MTF2: variants seen among roughly 807,000 people sequenced by gnomAD.
MTF2 encodes metal-response element-binding transcription factor 2.
A neutral mutation model predicts 79.5 loss-of-function variants in MTF2; 11 were observed. That is an observed-to-expected ratio of 0.14 (90% confidence interval 0.09 to 0.23). The LOEUF (loss-of-function observed/expected upper bound fraction) is 0.23, where lower values mean the gene tolerates loss of function less well. MTF2 is among the 10% of genes least tolerant of loss of function. The probability of loss-of-function intolerance (pLI) is 1.00; values close to 1 mark genes in which losing one functional copy is unlikely to be tolerated. For missense variants in MTF2, 486 were observed against 711.2 expected (o/e 0.68, Z 3.60); for synonymous variants, 208 against 232.8 (o/e 0.89, Z 0.97).
intron 11 of MTF2, among the ~76,000 whole-genome samples, chr1:93,130,244 T>C (rs1407447865): frequency 2.6e-5 from 4 of 152,122 alleles, no homozygotes; most frequent in Non-Finnish European, 5.9e-5. Context: ...GGTTGTTTTC[T>C]AAGAATAATG....
At chr1:93,129,976 G>T (rs563170127) in intron 11 of MTF2, among the ~76,000 whole-genome samples, 74 of 152,286 alleles carry the variant, frequency 4.9e-4, no homozygotes, top group Non-Finnish European at 9.7e-4. Flanking sequence ...CTTTAACAAT[G>T]TGGCTTAAGG....
intron 10 of MTF2, among the ~76,000 whole-genome samples, chr1:93,128,078 T>A (rs1656771944): frequency 6.6e-6 from 1 of 152,108 alleles, no homozygotes; most frequent in African/African-American, 2.4e-5. Context: ...GTACCTGATA[T>A]GACCTTGAAG....
intron 9 of MTF2, among the ~76,000 whole-genome samples, 165 bp from the exon 10 acceptor site, chr1:93,127,067 G>T (rs1481527440): frequency 6.6e-6 from 1 of 152,020 alleles, no homozygotes; most frequent in Admixed American, 6.6e-5. Context: ...AGGTTAAATG[G>T]CCCTAGGTCA....
chr1:93,129,228 G>C (rs568168717), intron 10 of MTF2, 50 bp from the exon 11 acceptor site: 1 of 1,352,756 alleles, frequency 7.4e-7, no homozygotes, highest in Admixed American at 2.2e-5. Context: ...GGTCTACTAT[G>C]TATATGTGTT....
chr1:93,085,461 G>A (rs555247061), intron 1 of MTF2, among the ~76,000 whole-genome samples: 1 of 145,954 alleles, frequency 6.9e-6, no homozygotes, highest in African/African-American at 2.5e-5. Context: ...ACAGGCGTGA[G>A]CCACTGCACC....
chr1:93,127,403 T>C, intron 10 of MTF2, 104 bp downstream of exon 10: 1 of 716,086 alleles, frequency 1.4e-6, no homozygotes, highest in South Asian at 1.8e-5. Flanking sequence ...AGAAGAAGTC[T>C]ATACCATTTT....
At chr1:93,133,293 T>G (rs921654131) in intron 11 of MTF2, among the ~76,000 whole-genome samples, 1 of 152,122 alleles carries the variant, frequency 6.6e-6, no homozygotes, top group Non-Finnish European at 1.5e-5. Flanking sequence ...AAATTCATAG[T>G]CATTTTTAGT....
At chr1:93,083,723 T>A (rs1654711662) in intron 1 of MTF2, among the ~76,000 whole-genome samples, 1 of 152,218 alleles carries the variant, frequency 6.6e-6, no homozygotes. Flanking sequence ...TTTATCCACA[T>A]CCTCACTGAT....
At chr1:93,090,239 G>T (rs1406157842) in intron 1 of MTF2, among the ~76,000 whole-genome samples, 1 of 152,174 alleles carries the variant, frequency 6.6e-6, no homozygotes, top group African/African-American at 2.4e-5. Flanking sequence ...GCCTCCCAAA[G>T]TGCTGGGATT....
At chr1:93,095,597 C>T in intron 1 of MTF2, among the ~76,000 whole-genome samples, 1 of 151,988 alleles carries the variant, frequency 6.6e-6, no homozygotes, top group East Asian at 1.9e-4. Flanking sequence ...ACATTGGCCT[C>T]CCAAAGTACT....
chr1:93,128,368 G>T, intron 10 of MTF2, among the ~76,000 whole-genome samples: 1 of 151,888 alleles, frequency 6.6e-6, no homozygotes, highest in East Asian at 1.9e-4. Flanking sequence ...GACCAGCCTG[G>T]CCAACATGGT....
chr1:93,115,191 T>C lies in MTF2; in HGVS notation c.483+103T>C, dbSNP rs1656200399. The stretch of plus-strand genomic sequence containing the variant: ...AAGTTTGTTGGAATGAAATGAGCAA[T>C]GAATGCTGGGTAGAAAGAGGTGCTA... On this transcript the variant is annotated intron_variant, in intron 5 of 14. Transcript: ENST00000370298. 4 of 889,342 alleles carry C rather than the reference T, an allele frequency of 4.5e-6. No individual in the cohort carries two copies. In the East Asian group the frequency reaches 7.8e-5, roughly 17 times the overall value. The allele number at this position is 889,342 out of a possible 1,614,324, so 55.1% of individuals were successfully genotyped here.
chr1:93,110,176 A>G (rs1469227065), intron 1 of MTF2, 54 bp from the exon 2 acceptor site: 2 of 1,499,946 alleles, frequency 1.3e-6, no homozygotes, highest in Non-Finnish European at 1.8e-6. Flanking sequence ...TCCCACTGGT[A>G]TAAAATAAGC....
intron 9 of MTF2, among the ~76,000 whole-genome samples, chr1:93,125,782 A>G (rs1261575292): frequency 6.6e-6 from 1 of 152,084 alleles, no homozygotes; most frequent in Non-Finnish European, 1.5e-5. Context: ...GCTATTAAAC[A>G]TTTTAACCTA....
intron 5 of MTF2, 120 bp downstream of exon 5, chr1:93,115,208 G>A: frequency 3.9e-6 from 3 of 772,000 alleles, no homozygotes; most frequent in Non-Finnish European, 2.0e-6. Flanking sequence ...TGGGTAGAAA[G>A]AGGTGCTATT....
chr1:93,123,153 T>C (rs1224663731), intron 9 of MTF2, among the ~76,000 whole-genome samples: 1 of 151,744 alleles, frequency 6.6e-6, no homozygotes, highest in Non-Finnish European at 1.5e-5. Context: ...ATATAATGTT[T>C]ATATTTTATA....
intron 1 of MTF2, among the ~76,000 whole-genome samples, chr1:93,095,694 C>T (rs367735919): frequency 7.2e-5 from 10 of 138,174 alleles, no homozygotes; most frequent in East Asian, 4.3e-4. Context: ...CTCGCTCTGT[C>T]ACCCAGGCTG....
At chr1:93,120,302 A>AG in intron 8 of MTF2, 1 of 92,116 alleles carries the variant, frequency 1.1e-5, no homozygotes, top group South Asian at 3.0e-4. Flanking sequence ...TGTCTCCAAG[A>AG]AAAAAAAAAA....
chr1:93,107,180 A>G (rs1210552440), intron 1 of MTF2, among the ~76,000 whole-genome samples: 1 of 152,104 alleles, frequency 6.6e-6, no homozygotes, highest in Non-Finnish European at 1.5e-5. Context: ...AAATATAAAC[A>G]CACACACGTA....
Sources: allele counts gnomAD v4.1 joint callset (sites outside exome capture counted in the v4.1 genomes callset), GRCh38; gene constraint gnomAD v4.1.1; transcripts MANE v1.5; gene names NCBI Gene and HGNC (gene_info 2026-07-23, HGNC 2026-07-21).